Variants in DTL observed in about 807,000 individuals in gnomAD.
DTL encodes denticleless protein homolog.
DTL carries 46 observed loss-of-function variants against 87.0 expected under a neutral mutation model. The ratio of observed to expected loss-of-function variants is 0.53; its 90% CI spans 0.42 to 0.68. DTL has a LOEUF of 0.68. Ranked by LOEUF, DTL falls within the 30% of genes least tolerant of loss-of-function variation. The pLI is 0.00. For synonymous variants in DTL, 308 were observed against 311.2 expected, an observed-to-expected ratio of 0.99 and a Z score of 0.11; for missense variants, 737 against 869.4, an observed-to-expected ratio of 0.85 and a Z score of 1.91.
At chr1:212,041,716 T>C (rs1667650909) in intron 1 of DTL, among the ~76,000 whole-genome samples, 2 of 152,138 alleles carry the variant, frequency 1.3e-5, no homozygotes, top group Non-Finnish European at 2.9e-5. Context: ...TTCACCGTGT[T>C]AGCCAGGATG....
chr1:212,062,266 G>GT (rs1654349473), intron 5 of DTL, among the ~76,000 whole-genome samples: 1 of 152,220 alleles, frequency 6.6e-6, no homozygotes, highest in East Asian at 1.9e-4. Context: ...AGGAAGCAGG[G>GT]TTTTTTTCTG....
rs765354827 is a variant in DTL at position 212,100,718 on chromosome 1, G to A, written c.1728G>A (p.Glu576=). 5 of 1,614,168 alleles carry A rather than the reference G, an allele frequency of 3.1e-6. No homozygotes were observed. The highest frequency in any genetic ancestry group is 4.2e-6 in the Non-Finnish European group (5 of 1,180,030). The change falls in exon 14 of 15, where the codon GAG becomes GAA. Residue 576 remains glutamate, a synonymous_variant. Coordinates refer to ENST00000366991, the MANE Select transcript of DTL (RefSeq NM_016448.4). ...KCVKSCNCVT[E]LDGQVENLHL... The stretch of plus-strand genomic sequence containing the variant: ...TGAAGAGTTGTAACTGTGTGACTGA[G>A]CTTGATGGCCAAGTTGAAAATCTTC...
rs1429499800 is a variant in DTL, at chr1:212,101,063, C to A, written c.2073C>A (p.Ser691Arg). Residue 691 changes from serine to arginine, a missense_variant, in exon 14 of 15, where the codon AGC becomes AGA. Ser to Arg is a moderately radical substitution (Grantham distance 110). Transcript: ENST00000366991. ...SSQTPNSRRQ[S>R]GKKLPSPVTI... is the part of the protein sequence containing the mutation. ...AGACACCCAATTCCAGGAGACAGAG[C>A]GGAAAGAAATTGCCAAGCCCGGTAA... 2 of 1,609,020 alleles carry A rather than the reference C, an allele frequency of 1.2e-6. No individual in the cohort carries two copies. Among genetic ancestry groups the A allele is most frequent in the Non-Finnish European group, 1.7e-6 (2 of 1,177,708 alleles).
chr1:212,067,764 C>T (rs985978911), intron 8 of DTL, among the ~76,000 whole-genome samples: 1 of 152,040 alleles, frequency 6.6e-6, no homozygotes, highest in African/African-American at 2.4e-5. Context: ...ACAATTATCT[C>T]AATAGATGAA....
chr1:212,043,258 C>A lies in DTL; in HGVS notation c.178+140C>A, dbSNP rs940964404. 5.0e-5 allele frequency: 39 copies of A among 786,276 alleles called. No homozygotes were observed. In the African/African-American group the frequency reaches 5.7e-4, roughly 11 times the overall value. 48.7% of individuals were successfully genotyped at this position (786,276 alleles called of 1,614,324 possible). A position where few individuals can be genotyped will look rare whatever the true frequency, so the allele number is the denominator to read the frequency against. On this transcript the variant is annotated intron_variant, in intron 2 of 14. Coordinates refer to ENST00000366991, the MANE Select transcript of DTL (RefSeq NM_016448.4). ...GAGTTTTTGTAAAAACTGTTATCTT[C>A]TGATTTATAAAATAGACTTTTCTTA...
At chr1:212,056,938 C>G (rs1345345812) in intron 5 of DTL, among the ~76,000 whole-genome samples, 3 of 151,994 alleles carry the variant, frequency 2.0e-5, no homozygotes, top group Non-Finnish European at 2.9e-5. Flanking sequence ...AAATAACCTA[C>G]TCAGACAAAA....
chr1:212,080,794 G>A, intron 13 of DTL, 44 bp downstream of exon 13: 1 of 1,604,680 alleles, frequency 6.2e-7, no homozygotes, highest in Non-Finnish European at 8.5e-7. Flanking sequence ...GGTTTGACTA[G>A]TTTAGTCCGA....
intron 5 of DTL, among the ~76,000 whole-genome samples, chr1:212,060,184 T>C (rs1236261804): frequency 1.3e-5 from 2 of 152,224 alleles, no homozygotes; most frequent in Non-Finnish European, 2.9e-5. Context: ...TTAAAATTTA[T>C]GTGGAGCCAA....
chr1:212,062,235 T>C (rs116923244), intron 5 of DTL, among the ~76,000 whole-genome samples: 2 of 152,340 alleles, frequency 1.3e-5, no homozygotes, highest in East Asian at 3.9e-4. Context: ...TGGATTAGTT[T>C]AAGTGCTCAC....
chr1:212,066,127 G>A (rs771644978), intron 7 of DTL, among the ~76,000 whole-genome samples: 1 of 152,012 alleles, frequency 6.6e-6, no homozygotes. Flanking sequence ...TTAAAAAATT[G>A]CCCTTTTTCT....
chr1:212,058,702 CTAAA>C (rs1397127635), intron 5 of DTL, among the ~76,000 whole-genome samples: 1 of 151,542 alleles, frequency 6.6e-6, no homozygotes, highest in Non-Finnish European at 1.5e-5. Context: ...CAGAGCCTAA[CTAAA>C]TAGAGACTTA....
At chr1:212,094,358 G>A (rs1423199732) in intron 13 of DTL, among the ~76,000 whole-genome samples, 1 of 152,144 alleles carries the variant, frequency 6.6e-6, no homozygotes, top group Non-Finnish European at 1.5e-5. Context: ...TGAATAGGGT[G>A]TCCTTTCCCC....
intron 12 of DTL, among the ~76,000 whole-genome samples, chr1:212,079,170 C>A (rs1275849582): frequency 1.3e-5 from 2 of 151,652 alleles, no homozygotes; most frequent in Admixed American, 6.6e-5. Flanking sequence ...TTTTTTAAGT[C>A]ATTACTTTAA....
Position 212,068,272 on chromosome 1 carries a change from A to T in DTL, c.762A>T (p.Gln254His), listed in dbSNP as rs1447970470. Residue 254 changes from glutamine to histidine, a missense_variant, in exon 9 of 15, where the codon CAA (glutamine) becomes CAT (histidine). By Grantham distance (24) the Gln-to-His change is conservative. Transcript: ENST00000366991. ...GTAAGAATTATACTGCTTATCGACA[A>T]GAACCCATAGCATCCAAGTCTTTCC... is the stretch of plus-strand genomic sequence containing the variant. ...DLRKNYTAYR[Q>H]EPIASKSFLY... The T allele has an allele frequency of 6.2e-7, 1 of 1,612,548 alleles. No homozygotes were observed. Among genetic ancestry groups the T allele is most frequent in the South Asian group, 1.1e-5 (1 of 90,692 alleles).
intron 5 of DTL, among the ~76,000 whole-genome samples, chr1:212,054,309 T>C (rs527660255): frequency 6.6e-6 from 1 of 152,132 alleles, no homozygotes; most frequent in South Asian, 2.1e-4. Context: ...TTTTCCTTGT[T>C]CTTCTGGCTT....
At chr1:212,059,073 G>C (rs1478759006) in intron 5 of DTL, among the ~76,000 whole-genome samples, 1 of 152,080 alleles carries the variant, frequency 6.6e-6, no homozygotes, top group Non-Finnish European at 1.5e-5. Flanking sequence ...GGACCAGATG[G>C]CTTCACTGCT....
At chr1:212,054,771 G>T (rs1330633198) in intron 5 of DTL, among the ~76,000 whole-genome samples, 2 of 142,212 alleles carry the variant, frequency 1.4e-5, no homozygotes, top group Non-Finnish European at 3.0e-5. Context: ...CTCCAGCCTG[G>T]GTGACAACGA....
chr1:212,071,958 C>T, intron 10 of DTL, 143 bp from the exon 11 acceptor site: 1 of 596,556 alleles, frequency 1.7e-6, no homozygotes, highest in Non-Finnish European at 2.9e-6. Context: ...GTCTAGTTCC[C>T]TTGTATTTGA....
At chr1:212,072,079 T>C (rs2102557658) in intron 10 of DTL, 22 bp from the exon 11 acceptor site, 1 of 1,554,086 alleles carries the variant, frequency 6.4e-7, no homozygotes, top group East Asian at 2.2e-5. Context: ...AGCCAAGTAA[T>C]TTGGTTTTTT....
Sources: allele counts gnomAD v4.1 joint callset (sites outside exome capture counted in the v4.1 genomes callset), GRCh38; gene constraint gnomAD v4.1.1; transcripts MANE v1.5; gene names NCBI Gene and HGNC (gene_info 2026-07-23, HGNC 2026-07-21).